NRXN3: variants seen among roughly 807,000 people sequenced by gnomAD.
The protein encoded by NRXN3 is neurexin 3.
A neutral mutation model predicts 137.6 loss-of-function variants in NRXN3; 32 were observed. The observed-to-expected ratio is 0.23, with a 90% CI of 0.18 to 0.31. NRXN3 has a LOEUF of 0.31. Ranked by LOEUF, NRXN3 falls within the 10% of genes least tolerant of loss-of-function variation. The pLI, the probability that NRXN3 is intolerant of heterozygous loss-of-function variation, is 1.00. For missense variants in NRXN3, 1,574 were observed against 2,062.5 expected (o/e 0.76, Z 4.59); for synonymous variants, 798 against 784.5 (o/e 1.02, Z -0.29).
intron 20 of NRXN3, among the ~76,000 whole-genome samples, chr14:79,851,209 A>T (rs1427442423): frequency 2.0e-5 from 3 of 152,168 alleles, no homozygotes; most frequent in Non-Finnish European, 4.4e-5. Flanking sequence ...CCTACTTTTA[A>T]AAATTGTAGA....
intron 4 of NRXN3, among the ~76,000 whole-genome samples, chr14:78,404,509 T>C (rs1324150408): frequency 6.6e-6 from 1 of 152,056 alleles, no homozygotes; most frequent in South Asian, 2.1e-4. Context: ...CAAGGGAATG[T>C]CCAAGGAAAG....
intron 16 of NRXN3, among the ~76,000 whole-genome samples, chr14:79,541,122 CT>C (rs1347138574): frequency 9.2e-5 from 14 of 152,106 alleles, no homozygotes; most frequent in African/African-American, 3.4e-4. Flanking sequence ...TCTAAAGACA[CT>C]TGCCAGGCCA....
At chr14:78,361,723 G>A (rs955432126) in intron 4 of NRXN3, among the ~76,000 whole-genome samples, 1 of 152,176 alleles carries the variant, frequency 6.6e-6, no homozygotes, top group Non-Finnish European at 1.5e-5. Context: ...ACTTCATTAA[G>A]TGGCATAGTG....
rs189916292 is a variant in NRXN3 at position 78,553,628 on chromosome 14, A to G, written c.758-91492A>G. Among the ~76,000 whole-genome samples, 9 of 152,346 alleles carry G rather than the reference A, an allele frequency of 5.9e-5. No individual in the cohort carries two copies. In the East Asian group the frequency reaches 1.7e-3, roughly 29 times the overall value. On this transcript the variant is annotated intron_variant, in intron 4 of 20. Coordinates refer to ENST00000335750, the MANE Select transcript of NRXN3 (RefSeq NM_001330195.2). Reference sequence around the variant, plus strand: ...TTCTTATTCTTTGAGGAGGAGGAATACTTCTGATTTAATGGTAACGAAGTT... The same window carrying G: ...TTCTTATTCTTTGAGGAGGAGGAATGCTTCTGATTTAATGGTAACGAAGTT...
rs566601974 is a variant in NRXN3, at chr14:78,836,955, G to A, written c.2275+26611G>A. On this transcript the variant is annotated intron_variant, in intron 10 of 20. Transcript: ENST00000335750. ...TTGAGCCTTAGAGTGGCCACAAGGA[G>A]TATCAGTTGCTCCCTCCTTTGAAGG... Among the ~76,000 whole-genome samples, 48 of 152,248 alleles carry A rather than the reference G, an allele frequency of 3.2e-4. 1 individual carries two copies. In the South Asian group the frequency reaches 8.7e-3, roughly 28 times the overall value.
intron 20 of NRXN3, among the ~76,000 whole-genome samples, chr14:79,812,250 A>C (rs2099236766): frequency 6.6e-6 from 1 of 152,218 alleles, no homozygotes; most frequent in African/African-American, 2.4e-5. Flanking sequence ...AAAGTTTGAT[A>C]AATCTCTTCT....
chr14:79,129,321 A>T (rs1324738580), intron 15 of NRXN3, among the ~76,000 whole-genome samples: 1 of 148,342 alleles, frequency 6.7e-6, no homozygotes, highest in Non-Finnish European at 1.5e-5. Context: ...ATTTAGTGCT[A>T]TAAATTTCCC....
intron 10 of NRXN3, among the ~76,000 whole-genome samples, chr14:78,924,226 G>A (rs1029048167): frequency 4.3e-4 from 66 of 152,306 alleles, no homozygotes; most frequent in African/African-American, 1.6e-3. Flanking sequence ...TCCAGCCTGG[G>A]CACTCTGTCT....
intron 4 of NRXN3, among the ~76,000 whole-genome samples, chr14:78,528,974 A>G (rs2096420887): frequency 6.6e-6 from 1 of 152,192 alleles, no homozygotes; most frequent in Non-Finnish European, 1.5e-5. Context: ...TTTACCAGTC[A>G]TAGCCCCTTA....
chr14:78,491,471 A>G (rs1343088185), intron 4 of NRXN3, among the ~76,000 whole-genome samples: 2 of 152,222 alleles, frequency 1.3e-5, no homozygotes, highest in Admixed American at 6.5e-5. Context: ...CAAGCCTCCC[A>G]GGAGCTTGTT....
intron 16 of NRXN3, among the ~76,000 whole-genome samples, chr14:79,574,741 G>A (rs1363122301): frequency 6.6e-6 from 1 of 151,996 alleles, no homozygotes; most frequent in Non-Finnish European, 1.5e-5. Context: ...CACGATGTTT[G>A]GCCCACAATA....
chr14:79,777,036 C>T (rs950985372), intron 19 of NRXN3, among the ~76,000 whole-genome samples: 2 of 152,090 alleles, frequency 1.3e-5, no homozygotes, highest in African/African-American at 4.8e-5. Flanking sequence ...CAAGGTTGTT[C>T]TTGTCAGGAA....
At chr14:78,829,344 G>A (rs1354928523) in intron 10 of NRXN3, among the ~76,000 whole-genome samples, 2 of 152,158 alleles carry the variant, frequency 1.3e-5, no homozygotes, top group Admixed American at 6.5e-5. Context: ...AAGCAAGCCA[G>A]TGTTTCAGTT....
chr14:79,823,076 A>G (rs1225799201), intron 20 of NRXN3, among the ~76,000 whole-genome samples: 2 of 152,206 alleles, frequency 1.3e-5, no homozygotes, highest in Non-Finnish European at 2.9e-5. Flanking sequence ...CTTTGTGTCA[A>G]GAGAAAGTCA....
intron 16 of NRXN3, among the ~76,000 whole-genome samples, chr14:79,507,520 T>A (rs559720912): frequency 6.6e-6 from 1 of 152,100 alleles, no homozygotes; most frequent in Non-Finnish European, 1.5e-5. Flanking sequence ...ATGCCTAGTC[T>A]CTGATTAATA....
intron 4 of NRXN3, among the ~76,000 whole-genome samples, chr14:78,306,060 G>A (rs1049205851): frequency 1.4e-4 from 21 of 151,998 alleles, no homozygotes; most frequent in African/African-American, 4.8e-4. Context: ...GACATTTTTT[G>A]CATGGATGTT....
At chr14:78,252,688 C>T (rs2068826545) in intron 2 of NRXN3, among the ~76,000 whole-genome samples, 2 of 152,182 alleles carry the variant, frequency 1.3e-5, no homozygotes, top group Non-Finnish European at 2.9e-5. Context: ...CTGGTGTCTC[C>T]ACTGTAGCAA....
chr14:79,031,176 T>C (rs1316852712), intron 15 of NRXN3, among the ~76,000 whole-genome samples: 2 of 152,158 alleles, frequency 1.3e-5, no homozygotes, highest in Admixed American at 6.6e-5. Flanking sequence ...GGTCAGGGAA[T>C]GGACTTTTCA....
rs145461462 is a variant in NRXN3 at position 78,232,378 on chromosome 14, G to C, written c.-703-10013G>C. 6.8e-3 allele frequency among the ~76,000 whole-genome samples: 1,038 copies of C among 152,148 alleles called. 10 individuals are homozygous for C. Among genetic ancestry groups the C allele is most frequent in the Middle Eastern group, 0.014 (4 of 290 alleles). On this transcript the variant is annotated intron_variant, in intron 1 of 20. Coordinates refer to ENST00000335750, the MANE Select transcript of NRXN3 (RefSeq NM_001330195.2). ...AGAGAGAGCCCTCCCAGCAGCCCCA[G>C]ACATGATTGCTGGGCAGGCTTATTT...
Sources: allele counts gnomAD v4.1 joint callset (sites outside exome capture counted in the v4.1 genomes callset), GRCh38; gene constraint gnomAD v4.1.1; transcripts MANE v1.5; gene names NCBI Gene and HGNC (gene_info 2026-07-23, HGNC 2026-07-21).